Variants in CFAP58 observed in about 807,000 individuals in gnomAD.
CFAP58 encodes the protein cilia and flagella associated protein 58, also known as cilia- and flagella-associated protein 58.
CFAP58 carries 88 observed loss-of-function variants against 119.5 expected under a neutral mutation model. The observed-to-expected ratio is 0.74, with a 90% CI of 0.62 to 0.88. The LOEUF is 0.88. Among genes scored for constraint, CFAP58 ranks in the 40% least tolerant of loss-of-function variants. CFAP58 has a pLI of 0.00. For missense variants in CFAP58, 990 were observed against 1,021.2 expected (o/e 0.97, Z 0.42); for synonymous variants, 365 against 366.3 (o/e 1.00, Z 0.04).
chr10:104,452,063 A>G (rs999734575), intron 17 of CFAP58, among the ~76,000 whole-genome samples: 3 of 152,102 alleles, frequency 2.0e-5, no homozygotes, highest in African/African-American at 7.2e-5. Flanking sequence ...GAACTTGCAG[A>G]TCCCCTCATG....
At chr10:104,375,663 A>G (rs1444456145) in intron 7 of CFAP58, among the ~76,000 whole-genome samples, 1 of 152,158 alleles carries the variant, frequency 6.6e-6, no homozygotes, top group Non-Finnish European at 1.5e-5. Context: ...CATGTGCCCA[A>G]AGTGGTCGGG....
chr10:104,343,691 A>G, the CFAP58 span, among the ~76,000 whole-genome samples: 1 of 152,150 alleles, frequency 6.6e-6, no homozygotes, highest in Non-Finnish European at 1.5e-5. Context: ...ACCTCTTTTG[A>G]AAAAAATGCA....
At chr10:104,410,999 G>C (rs1169821183) in intron 15 of CFAP58, among the ~76,000 whole-genome samples, 2 of 151,962 alleles carry the variant, frequency 1.3e-5, no homozygotes, top group East Asian at 3.9e-4. Flanking sequence ...GAATGCAGTG[G>C]TGCAATCTTG....
chr10:104,438,336 TTTTTGTTTTTTG>T (rs2012969508), intron 15 of CFAP58, among the ~76,000 whole-genome samples: 1 of 133,872 alleles, frequency 7.5e-6, no homozygotes, highest in African/African-American at 3.2e-5. Context: ...GTTTTTTTGT[TTTTTGTTTTTTG>T]TTTTTTTTTT....
At chr10:104,393,737 G>T (rs1338362026) in intron 11 of CFAP58, among the ~76,000 whole-genome samples, 1 of 152,186 alleles carries the variant, frequency 6.6e-6, no homozygotes, top group South Asian at 2.1e-4. Flanking sequence ...TTTCATTTAT[G>T]CAGGCTATCA....
At chr10:104,445,144 G>A (rs1052026845) in intron 15 of CFAP58, among the ~76,000 whole-genome samples, 4 of 151,550 alleles carry the variant, frequency 2.6e-5, no homozygotes, top group African/African-American at 7.3e-5. Flanking sequence ...GCAACATAGC[G>A]AGACCCCGCC....
chr10:104,371,374 GTTC>G (rs1233030780), intron 7 of CFAP58, among the ~76,000 whole-genome samples: 1 of 152,138 alleles, frequency 6.6e-6, no homozygotes, highest in African/African-American at 2.4e-5. Flanking sequence ...ACCTGCTTTA[GTTC>G]TTCTTTTCCA....
chr10:104,347,311 C>T, the CFAP58 span, among the ~76,000 whole-genome samples: 2 of 151,982 alleles, frequency 1.3e-5, no homozygotes, highest in African/African-American at 4.8e-5. Flanking sequence ...GTCTGGAGAC[C>T]CTTTGGGAGC....
intron 2 of CFAP58, among the ~76,000 whole-genome samples, chr10:104,359,525 G>C (rs576017175): frequency 1.4e-4 from 21 of 152,332 alleles, no homozygotes; most frequent in Non-Finnish European, 2.4e-4. Flanking sequence ...ATAAAGGGCC[G>C]GTTGTGGTGG....
upstream of CFAP58, chr10:104,353,803 A>C: frequency 6.8e-7 from 1 of 1,476,726 alleles, no homozygotes; most frequent in Admixed American, 1.9e-5. Flanking sequence ...GGCGATAGAG[A>C]CAGCGCGTCG....
intron 15 of CFAP58, among the ~76,000 whole-genome samples, chr10:104,428,421 TA>T (rs2012787196): frequency 6.6e-6 from 1 of 152,168 alleles, no homozygotes; most frequent in South Asian, 2.1e-4. Context: ...GAAAAAAATG[TA>T]AAAACACACA....
chr10:104,436,845 T>C (rs2012943080), intron 15 of CFAP58, among the ~76,000 whole-genome samples: 1 of 152,208 alleles, frequency 6.6e-6, no homozygotes, highest in South Asian at 2.1e-4. Context: ...AGGCAGTCCC[T>C]GGCGTAGAGT....
intron 7 of CFAP58, among the ~76,000 whole-genome samples, chr10:104,376,057 G>A (rs2011652549): frequency 1.3e-5 from 2 of 152,164 alleles, no homozygotes; most frequent in Admixed American, 1.3e-4. Flanking sequence ...GAAAACAAAG[G>A]GAAAAGGGGA....
At chr10:104,371,647 C>T (rs2014825097) in intron 7 of CFAP58, among the ~76,000 whole-genome samples, 1 of 152,192 alleles carries the variant, frequency 6.6e-6, no homozygotes, top group Non-Finnish European at 1.5e-5. Flanking sequence ...CCCGTCTCAC[C>T]ACATCTGGTG....
At chr10:104,431,038 A>G (rs2012837303) in intron 15 of CFAP58, among the ~76,000 whole-genome samples, 1 of 152,216 alleles carries the variant, frequency 6.6e-6, no homozygotes, top group South Asian at 2.1e-4. Context: ...TTTTATGGTC[A>G]TGATTAGTTG....
At chr10:104,340,854 G>C in the CFAP58 span, among the ~76,000 whole-genome samples, 2 of 152,138 alleles carry the variant, frequency 1.3e-5, no homozygotes, top group Non-Finnish European at 2.9e-5. Context: ...CTCTGCCTAA[G>C]GCTGGAACCC....
chr10:104,422,488 AGTTGGCAATTTGAGC>A (rs1426259938), intron 15 of CFAP58, among the ~76,000 whole-genome samples: 5 of 152,178 alleles, frequency 3.3e-5, no homozygotes, highest in Admixed American at 3.3e-4. Flanking sequence ...TGATTCTGTC[AGTTGGCAATTTGAGC>A]TGGGCTCAGC....
chr10:104,394,751 A>G (rs531168468), intron 11 of CFAP58, among the ~76,000 whole-genome samples: 6 of 152,256 alleles, frequency 3.9e-5, no homozygotes, highest in Non-Finnish European at 7.3e-5. Flanking sequence ...TTTTATATAT[A>G]AAGAAATATA....
intron 3 of CFAP58, among the ~76,000 whole-genome samples, chr10:104,363,395 G>A (rs900400672): frequency 2.6e-5 from 4 of 152,150 alleles, no homozygotes; most frequent in Non-Finnish European, 4.4e-5. Flanking sequence ...AGTTTCTTAC[G>A]CTTTTTTGAT....
Sources: allele counts gnomAD v4.1 joint callset (sites outside exome capture counted in the v4.1 genomes callset), GRCh38; gene constraint gnomAD v4.1.1; transcripts MANE v1.5; gene names NCBI Gene and HGNC (gene_info 2026-07-23, HGNC 2026-07-21).